Variants in PID1 observed in about 807,000 individuals in gnomAD.
PID1 encodes the protein phosphotyrosine interaction domain containing 1, also known as PTB-containing, cubilin and LRP1-interacting protein.
PID1 carries 10 observed loss-of-function variants against 19.1 expected under a neutral mutation model. That is an observed-to-expected ratio of 0.52 (90% confidence interval 0.32 to 0.89). The LOEUF is 0.89. PID1 is among the 40% of genes least tolerant of loss of function. The pLI, the probability that PID1 is intolerant of heterozygous loss-of-function variation, is 0.03. For missense variants in PID1, 248 were observed against 285.3 expected (o/e 0.87, Z 0.94); for synonymous variants, 130 against 116.0 (o/e 1.12, Z -0.78).
chr2:229,254,665 A>G (rs1690246225), intron 1 of PID1, among the ~76,000 whole-genome samples: 1 of 152,238 alleles, frequency 6.6e-6, no homozygotes, highest in Non-Finnish European at 1.5e-5. Context: ...TCCTTTCATT[A>G]TATGACTGGT....
At chr2:229,143,576 A>G (rs1032925525) in intron 2 of PID1, among the ~76,000 whole-genome samples, 16 of 152,174 alleles carry the variant, frequency 1.1e-4, no homozygotes, top group African/African-American at 3.9e-4. Flanking sequence ...AAGAGGACCA[A>G]AAACAAAAAG....
At chr2:229,032,840 C>A (rs1275305058) in intron 2 of PID1, among the ~76,000 whole-genome samples, 2 of 152,154 alleles carry the variant, frequency 1.3e-5, no homozygotes, top group Non-Finnish European at 2.9e-5. Flanking sequence ...CCAACCCCAA[C>A]TGAAGAAGTT....
intron 1 of PID1, among the ~76,000 whole-genome samples, chr2:229,206,196 A>T (rs1037179375): frequency 1.3e-5 from 2 of 152,070 alleles, no homozygotes; most frequent in African/African-American, 4.8e-5. Context: ...AACATTCCTC[A>T]TAAAAACAAA....
chr2:229,157,819 G>A (rs1271995188), intron 1 of PID1, among the ~76,000 whole-genome samples: 2 of 152,124 alleles, frequency 1.3e-5, no homozygotes, highest in African/African-American at 2.4e-5. Flanking sequence ...TTACTTCCCT[G>A]TACAAGGCAA....
intron 2 of PID1, among the ~76,000 whole-genome samples, chr2:229,139,025 A>AAGAAAGAGAG (rs1689926296): frequency 1.1e-5 from 1 of 88,126 alleles, no homozygotes; most frequent in African/African-American, 4.3e-5. Flanking sequence ...GAAAGAAAGA[A>AAGAAAGAGAG]AGAAAGAAAG....
At chr2:229,042,682 T>G (rs1018595572) in intron 2 of PID1, among the ~76,000 whole-genome samples, 2 of 152,196 alleles carry the variant, frequency 1.3e-5, no homozygotes, top group Non-Finnish European at 2.9e-5. Context: ...CTCAAAAGCT[T>G]TCAATGTCAT....
chr2:229,236,713 C>A (rs1395797540), intron 1 of PID1: 1 of 152,290 alleles, frequency 6.6e-6, no homozygotes, highest in Admixed American at 6.6e-5. Context: ...AAGCAGGCGA[C>A]TATCACCAGG....
Position 229,113,596 on chromosome 2 carries a change from A to ATGTGTGTGTGTG in PID1, c.177+42210_177+42221dup, listed in dbSNP as rs3083856. Among the ~76,000 whole-genome samples, 1,301 of 142,004 alleles carry ATGTGTGTGTGTG rather than the reference A, an allele frequency of 9.2e-3. 13 individuals are homozygous for ATGTGTGTGTGTG. The highest frequency in any genetic ancestry group is 0.012 in the Non-Finnish European group (785 of 65,342). 93.2% of individuals were successfully genotyped at this position (142,004 alleles called of 152,430 possible). ...TATGTGTGTATGTGTGTATGCATAT[A>ATGTGTGTGTGTG]TGTGTGTGTGTGTGTGTGTGTGTGT... is the stretch of plus-strand genomic sequence containing the variant. On this transcript the variant is annotated intron_variant, in intron 2 of 2. Transcript: ENST00000392055.
intron 2 of PID1, among the ~76,000 whole-genome samples, chr2:229,146,377 T>C (rs986288038): frequency 1.3e-5 from 2 of 152,140 alleles, no homozygotes; most frequent in African/African-American, 4.8e-5. Flanking sequence ...ACCTAATGCA[T>C]GCAGGGCTTA....
chr2:229,196,243 C>T (rs1188884241), intron 1 of PID1, among the ~76,000 whole-genome samples: 1 of 151,976 alleles, frequency 6.6e-6, no homozygotes, highest in East Asian at 1.9e-4. Flanking sequence ...CTATTTTATA[C>T]TCAGAGGCAG....
chr2:229,258,314 C>G (rs551481695), intron 1 of PID1, among the ~76,000 whole-genome samples: 1 of 152,154 alleles, frequency 6.6e-6, no homozygotes, highest in South Asian at 2.1e-4. Context: ...ACTAAGATCC[C>G]TAGGCAAACT....
chr2:229,149,096 G>C (rs1690195022), intron 2 of PID1, among the ~76,000 whole-genome samples: 1 of 150,964 alleles, frequency 6.6e-6, no homozygotes, highest in Non-Finnish European at 1.5e-5. Flanking sequence ...TTTGTATTCT[G>C]TCTTGGTATT....
In PID1 at chr2:229,025,944, A is replaced by G. The variant is rs34351298; in HGVS notation, c.342T>C (p.His114=). The G allele has an allele frequency of 0.11, 170,095 of 1,614,022 alleles. 9,575 individuals carry two copies. The highest frequency in any genetic ancestry group is 0.13 in the African/African-American group (9,997 of 75,014). The change falls in exon 3 of 3, where the codon CAT becomes CAC. Residue 114 remains histidine, a synonymous_variant. Coordinates refer to ENST00000392055, the MANE Select transcript of PID1 (RefSeq NM_001100818.2). ...CTGTGGCCTCCCCTTTGTGGTCGAGATGATGGAGCCAAACTTGGAATGGCC... is the reference window on the plus strand; with the variant it reads ...CTGTGGCCTCCCCTTTGTGGTCGAGGTGATGGAGCCAAACTTGGAATGGCC... ...EIRPFQVWLH[H]LDHKGEATVH... is the part of the protein sequence containing the mutation.
intron 2 of PID1, among the ~76,000 whole-genome samples, chr2:229,117,701 ATC>A (rs1011564767): frequency 2.6e-5 from 4 of 151,686 alleles, no homozygotes; most frequent in East Asian, 1.9e-4. Flanking sequence ...CTCACTTCAA[ATC>A]TCTGTTTCTC....
chr2:229,059,678 G>T (rs1432574623), intron 2 of PID1, among the ~76,000 whole-genome samples: 1 of 152,222 alleles, frequency 6.6e-6, no homozygotes, highest in Non-Finnish European at 1.5e-5. Flanking sequence ...TACTGTGTAA[G>T]TGCTACGATG....
chr2:229,047,345 G>T (rs897314287), intron 2 of PID1, among the ~76,000 whole-genome samples: 3 of 152,180 alleles, frequency 2.0e-5, no homozygotes, highest in African/African-American at 7.2e-5. Flanking sequence ...GGTCTGGACA[G>T]AAAGCCTAGT....
At chr2:229,252,022 CA>C (rs927337733) in intron 1 of PID1, among the ~76,000 whole-genome samples, 1 of 145,716 alleles carries the variant, frequency 6.9e-6, no homozygotes, top group Non-Finnish European at 1.5e-5. Context: ...GGCTTTGAAG[CA>C]ACAGCCAAAT....
chr2:229,031,979 TG>T (rs1388181953), intron 2 of PID1, among the ~76,000 whole-genome samples: 1 of 152,246 alleles, frequency 6.6e-6, no homozygotes, highest in Non-Finnish European at 1.5e-5. Flanking sequence ...TTTATTTTTT[TG>T]TATACGGTTT....
At chr2:229,182,282 T>C (rs922180563) in intron 1 of PID1, among the ~76,000 whole-genome samples, 2 of 152,076 alleles carry the variant, frequency 1.3e-5, no homozygotes, top group African/African-American at 2.4e-5. Flanking sequence ...GTGAGAGACA[T>C]TGATCAAGGG....
Sources: gnomAD v4.1 joint callset for allele counts (sites outside exome capture counted in the v4.1 genomes callset) on GRCh38, gnomAD v4.1.1 for gene constraint, MANE v1.5 for transcripts, NCBI Gene and HGNC (gene_info 2026-07-23, HGNC 2026-07-21) for gene names.